DRC11: variants seen among roughly 807,000 people sequenced by gnomAD.
DRC11 encodes IQ and AAA domain-containing protein 1.
At chr2:236,491,252 A>ACACACAG in the DRC11 span, among the ~76,000 whole-genome samples, 2 of 77,614 alleles carry the variant, frequency 2.6e-5, no homozygotes, top group Admixed American at 1.3e-4. Flanking sequence ...CACAGTATAT[A>ACACACAG]TATATATATA....
At chr2:236,441,007 T>C in the DRC11 span, 3 of 1,237,990 alleles carry the variant, frequency 2.4e-6, no homozygotes, top group Admixed American at 2.0e-5. Context: ...TCATTTGATA[T>C]ATTTACATTT....
At chr2:236,342,825 G>A in the DRC11 span, among the ~76,000 whole-genome samples, 1 of 152,132 alleles carries the variant, frequency 6.6e-6, no homozygotes, top group Admixed American at 6.5e-5. This position sits in a 1 kb window ranked among gnomAD's most constrained non-coding sequence, Gnocchi z 5.8. Context: ...AAGCCAGGGT[G>A]CCCTTTGGCT....
chr2:236,347,275 G>A, the DRC11 span, among the ~76,000 whole-genome samples: 2 of 152,026 alleles, frequency 1.3e-5, no homozygotes, highest in Non-Finnish European at 2.9e-5. Context: ...ACTGCTGGTG[G>A]GAATGTAAAC....
At chr2:236,375,756 G>T in the DRC11 span, among the ~76,000 whole-genome samples, 1 of 152,062 alleles carries the variant, frequency 6.6e-6, no homozygotes, top group Non-Finnish European at 1.5e-5. This position sits in a 1 kb window ranked among gnomAD's most constrained non-coding sequence, Gnocchi z 4.2. Flanking sequence ...ATAATACATT[G>T]AATAAAAAAA....
chr2:236,352,425 GGGA>G, the DRC11 span, among the ~76,000 whole-genome samples: 17 of 152,166 alleles, frequency 1.1e-4, no homozygotes, highest in African/African-American at 4.1e-4. This position sits in a 1 kb window ranked among gnomAD's most constrained non-coding sequence, Gnocchi z 7.0. Flanking sequence ...AGGATGGGCT[GGGA>G]GGAGAAGGGC....
At chr2:236,335,853 G>C in the DRC11 span, among the ~76,000 whole-genome samples, 4 of 152,200 alleles carry the variant, frequency 2.6e-5, no homozygotes, top group Non-Finnish European at 4.4e-5. This position sits in a 1 kb window ranked among gnomAD's most constrained non-coding sequence, Gnocchi z 5.6. Flanking sequence ...TGTGTGGGCT[G>C]CGGCGAGACT....
the DRC11 span, among the ~76,000 whole-genome samples, chr2:236,502,057 C>CT: frequency 5.3e-5 from 8 of 152,178 alleles, no homozygotes; most frequent in South Asian, 1.5e-3. Context: ...ATTAAAAATG[C>CT]CCTCCCCACA....
chr2:236,493,983 C>T, the DRC11 span: 12 of 1,027,116 alleles, frequency 1.2e-5, no homozygotes, highest in South Asian at 1.4e-4. Context: ...ACATCAAAGA[C>T]GCTTGCTTTA....
chr2:236,471,054 T>C, the DRC11 span, among the ~76,000 whole-genome samples: 2 of 152,200 alleles, frequency 1.3e-5, no homozygotes, highest in East Asian at 3.9e-4. The surrounding 1 kb of genome is among the most constrained non-coding windows in gnomAD (Gnocchi z 4.6). Flanking sequence ...CTATTTTAAG[T>C]GGTTGAAAAG....
the DRC11 span, among the ~76,000 whole-genome samples, chr2:236,310,813 A>C: frequency 6.6e-6 from 1 of 152,194 alleles, no homozygotes; most frequent in African/African-American, 2.4e-5. This position sits in a 1 kb window ranked among gnomAD's most constrained non-coding sequence, Gnocchi z 5.5. Context: ...GGTATTTTGG[A>C]TGTCTTGTTG....
chr2:236,328,634 G>C, the DRC11 span, among the ~76,000 whole-genome samples: 5 of 152,146 alleles, frequency 3.3e-5, no homozygotes, highest in Non-Finnish European at 4.4e-5. The surrounding 1 kb of genome is among the most constrained non-coding windows in gnomAD (Gnocchi z 6.7). Flanking sequence ...GTACCTCTCT[G>C]TTAGTGGCAC....
the DRC11 span, among the ~76,000 whole-genome samples, chr2:236,412,335 C>A: frequency 6.6e-6 from 1 of 152,126 alleles, no homozygotes; most frequent in Non-Finnish European, 1.5e-5. Context: ...TGTTCCCATC[C>A]CCCAGTTGGT....
At chr2:236,432,832 C>A in the DRC11 span, among the ~76,000 whole-genome samples, 2 of 152,026 alleles carry the variant, frequency 1.3e-5, no homozygotes, top group Non-Finnish European at 2.9e-5. Flanking sequence ...TTAGAAAGAT[C>A]TTTCCCATTC....
chr2:236,366,975 A>ATTTTTTTTTTTTT, the DRC11 span, among the ~76,000 whole-genome samples: 1 of 127,392 alleles, frequency 7.8e-6, no homozygotes. Context: ...ACACCCGGCT[A>ATTTTTTTTTTTTT]TTTTTTTTTT....
At chr2:236,400,363 G>A in the DRC11 span, among the ~76,000 whole-genome samples, 3 of 152,092 alleles carry the variant, frequency 2.0e-5, no homozygotes, top group Non-Finnish European at 4.4e-5. The surrounding 1 kb of genome is among the most constrained non-coding windows in gnomAD (Gnocchi z 7.9). Context: ...GGGAGATTGC[G>A]GTGCTACCCG....
the DRC11 span, among the ~76,000 whole-genome samples, chr2:236,434,391 C>A: frequency 6.6e-6 from 1 of 152,244 alleles, no homozygotes; most frequent in Non-Finnish European, 1.5e-5. This position sits in a 1 kb window ranked among gnomAD's most constrained non-coding sequence, Gnocchi z 5.5. Flanking sequence ...ATTACTGCTA[C>A]TGTCAACGTT....
chr2:236,462,102 C>G, the DRC11 span, among the ~76,000 whole-genome samples: 1 of 152,092 alleles, frequency 6.6e-6, no homozygotes, highest in Non-Finnish European at 1.5e-5. This position sits in a 1 kb window ranked among gnomAD's most constrained non-coding sequence, Gnocchi z 6.4. Context: ...CTGAGAACTT[C>G]GAGGCGGTGC....
the DRC11 span, among the ~76,000 whole-genome samples, chr2:236,483,384 A>C: frequency 6.6e-6 from 1 of 152,202 alleles, no homozygotes; most frequent in African/African-American, 2.4e-5. The surrounding 1 kb of genome is among the most constrained non-coding windows in gnomAD (Gnocchi z 4.8). Context: ...TCCAAAAACA[A>C]ATGTTGGCTT....
At chr2:236,465,078 G>T in the DRC11 span, among the ~76,000 whole-genome samples, 1 of 152,116 alleles carries the variant, frequency 6.6e-6, no homozygotes, top group Non-Finnish European at 1.5e-5. The surrounding 1 kb of genome is among the most constrained non-coding windows in gnomAD (Gnocchi z 6.2). Flanking sequence ...CATTCAAGGA[G>T]ACCTGGTGGC....
Sources: gnomAD v4.1 joint callset for allele counts (sites outside exome capture counted in the v4.1 genomes callset) on GRCh38, gnomAD v4.1.1 for gene constraint, Gnocchi (gnomAD v3.1) non-coding constraint, MANE v1.5 for transcripts, NCBI Gene and HGNC (gene_info 2026-07-23, HGNC 2026-07-21) for gene names.